Variants in MARK1 observed in about 807,000 individuals in gnomAD.
The protein encoded by MARK1 is serine/threonine-protein kinase MARK1.
MARK1 carries 40 observed loss-of-function variants against 96.3 expected under a neutral mutation model. That is an observed-to-expected ratio of 0.42 (90% CI 0.32 to 0.54). MARK1 has a LOEUF of 0.54. Among genes scored for constraint, MARK1 ranks in the 20% least tolerant of loss-of-function variants. The pLI is 0.16. For synonymous variants in MARK1, 317 were observed against 341.2 expected (o/e 0.93, Z 0.78); for missense variants, 719 against 984.6 (o/e 0.73, Z 3.61).
intron 9 of MARK1, chr1:220,625,777 A>T: frequency 2.2e-6 from 1 of 452,358 alleles, no homozygotes; most frequent in South Asian, 1.7e-5. Context: ...AAAGTCTGTT[A>T]CTACTACGAC....
chr1:220,558,663 T>C (rs888302736), intron 1 of MARK1, among the ~76,000 whole-genome samples: 6 of 151,998 alleles, frequency 3.9e-5, no homozygotes, highest in African/African-American at 1.4e-4. Context: ...CTGTAACTTA[T>C]ACATATATAA....
intron 9 of MARK1, chr1:220,627,099 CTGTT>C (rs1372140814): frequency 5.8e-6 from 3 of 516,712 alleles, no homozygotes; most frequent in Non-Finnish European, 7.8e-6. Flanking sequence ...TAAACAGCGA[CTGTT>C]TGAGAACCTG....
At chr1:220,544,515 A>G (rs1203106823) in intron 1 of MARK1, among the ~76,000 whole-genome samples, 4 of 152,214 alleles carry the variant, frequency 2.6e-5, no homozygotes, top group Non-Finnish European at 4.4e-5. Context: ...GAAGGCCGTC[A>G]CGAGATGCCA....
chr1:220,660,599 C>T (rs1279291995), intron 17 of MARK1, among the ~76,000 whole-genome samples: 1 of 152,002 alleles, frequency 6.6e-6, no homozygotes, highest in African/African-American at 2.4e-5. Context: ...TATAACATCT[C>T]TATTTGGATA....
chr1:220,553,972 C>T (rs2102752019), intron 1 of MARK1, among the ~76,000 whole-genome samples: 1 of 152,318 alleles, frequency 6.6e-6, no homozygotes, highest in Non-Finnish European at 1.5e-5. Flanking sequence ...AACTGGCAGG[C>T]TTTCAGATTA....
chr1:220,563,317 A>G (rs1230084484), intron 1 of MARK1, among the ~76,000 whole-genome samples: 5 of 152,236 alleles, frequency 3.3e-5, no homozygotes, highest in Non-Finnish European at 7.3e-5. Context: ...AAAATTACCA[A>G]TTACCTGAAA....
chr1:220,568,901 ATGTC>A (rs1663243441), intron 1 of MARK1, among the ~76,000 whole-genome samples: 1 of 152,166 alleles, frequency 6.6e-6, no homozygotes, highest in Admixed American at 6.5e-5. Context: ...ATTTGTGACT[ATGTC>A]TGTAAAACTA....
chr1:220,538,490 A>G (rs1049977788), intron 1 of MARK1, among the ~76,000 whole-genome samples: 4 of 152,150 alleles, frequency 2.6e-5, no homozygotes, highest in African/African-American at 9.7e-5. Context: ...GCCTTGTAGT[A>G]TAGTTTGAAG....
At chr1:220,635,254 T>C (rs1260929362) in intron 11 of MARK1, 122 bp from the exon 12 acceptor site, 1 of 959,806 alleles carries the variant, frequency 1.0e-6, no homozygotes, top group Non-Finnish European at 1.5e-6. Context: ...TACACTGTTT[T>C]TTCAGTTTGG....
chr1:220,662,127 G>A lies in MARK1; in HGVS notation c.2349G>A (p.Lys783=). 2 of 1,613,284 alleles carry A rather than the reference G, an allele frequency of 1.2e-6. No individual in the cohort carries two copies. The highest frequency in any genetic ancestry group is 1.7e-6 in the Non-Finnish European group (2 of 1,179,648). The stretch of plus-strand genomic sequence containing the variant: ...TATCTGGGACATCTATTGCCTTTAA[G>A]AACATTGCATCAAAAATAGCAAATG... ...KRISGTSIAF[K]NIASKIANEL... is the part of the protein sequence containing the mutation. The change falls in exon 18 of 18, where the codon AAG becomes AAA. Residue 783 remains lysine, a synonymous_variant. Transcript: ENST00000366917.
At chr1:220,598,043 G>A (rs1377719433) in intron 3 of MARK1, among the ~76,000 whole-genome samples, 5 of 152,026 alleles carry the variant, frequency 3.3e-5, no homozygotes, top group Admixed American at 1.3e-4. Flanking sequence ...ATAATTGTAA[G>A]TTTTACTGTG....
chr1:220,636,496 C>T (rs1667974557), intron 13 of MARK1, among the ~76,000 whole-genome samples: 1 of 151,650 alleles, frequency 6.6e-6, no homozygotes, highest in Non-Finnish European at 1.5e-5. Flanking sequence ...TAAAAGAAAA[C>T]TAAGATATAC....
intron 3 of MARK1, among the ~76,000 whole-genome samples, chr1:220,586,009 A>ACGCGCG (rs66540247): frequency 1.1e-3 from 137 of 129,716 alleles, no homozygotes; most frequent in African/African-American, 2.9e-3. Flanking sequence ...ACACACACAC[A>ACGCGCG]CACGCGCGCG....
chr1:220,529,018 C>A, intron 1 of MARK1, 145 bp downstream of exon 1: 1 of 736,602 alleles, frequency 1.4e-6, no homozygotes, highest in Non-Finnish European at 2.2e-6. Context: ...GACCCTCACC[C>A]ACTGCTCAGC....
At chr1:220,588,207 A>G (rs1664772872) in intron 3 of MARK1, among the ~76,000 whole-genome samples, 1 of 152,210 alleles carries the variant, frequency 6.6e-6, no homozygotes, top group Non-Finnish European at 1.5e-5. Context: ...ATTTAACTTC[A>G]TATCTCCAAC....
intron 17 of MARK1, among the ~76,000 whole-genome samples, chr1:220,659,976 C>T (rs1462128606): frequency 6.6e-6 from 1 of 152,172 alleles, no homozygotes; most frequent in East Asian, 1.9e-4. Context: ...TTAGTAGAGA[C>T]GAGGTTTCAC....
chr1:220,649,532 A>C (rs1310167134), intron 13 of MARK1, among the ~76,000 whole-genome samples: 2 of 152,096 alleles, frequency 1.3e-5, no homozygotes, highest in African/African-American at 4.8e-5. Context: ...ATTGGCCTAC[A>C]TGTTCCAAGT....
At position 220,618,178 on chromosome 1, in the gene MARK1, G is replaced by A. The variant is rs1666862272; in HGVS notation, c.553-132G>A. ...GTTATGCATTGAAGTACCATACTGG[G>A]CTTCTAAATTTGATACTACATTTAG... On this transcript the variant is annotated intron_variant, in intron 7 of 17. Coordinates refer to ENST00000366917, the MANE Select transcript of MARK1 (RefSeq NM_018650.5). This position sits in a 1 kb window ranked among gnomAD's most constrained non-coding sequence, Gnocchi z 4.6. 3 of 633,944 alleles carry A rather than the reference G, an allele frequency of 4.7e-6. No homozygotes were observed. Among genetic ancestry groups the A allele is most frequent in the Middle Eastern group, 4.2e-4 (1 of 2,364 alleles). 39.3% of individuals were successfully genotyped at this position (633,944 alleles called of 1,614,324 possible).
At chr1:220,588,786 C>T (rs1553324060) in intron 3 of MARK1, among the ~76,000 whole-genome samples, 1 of 152,124 alleles carries the variant, frequency 6.6e-6, no homozygotes, top group Non-Finnish European at 1.5e-5. Flanking sequence ...TAGACAAGGA[C>T]CTAGCAGTCT....
Sources: gnomAD v4.1 joint callset for allele counts (sites outside exome capture counted in the v4.1 genomes callset) on GRCh38, gnomAD v4.1.1 for gene constraint, Gnocchi (gnomAD v3.1) non-coding constraint, MANE v1.5 for transcripts, NCBI Gene and HGNC (gene_info 2026-07-23, HGNC 2026-07-21) for gene names.